Variants in COL4A1 observed in about 807,000 individuals in gnomAD.
COL4A1 encodes the protein collagen type IV alpha 1 chain.
In COL4A1, 40 loss-of-function variants were observed where a neutral mutation model predicts 216.6. The observed-to-expected ratio is 0.18, with a 90% confidence interval of 0.14 to 0.24. The LOEUF is 0.24. COL4A1 is among the 10% of genes least tolerant of loss of function. COL4A1 has a pLI of 1.00. For missense variants in COL4A1, 1,628 were observed against 2,196.8 expected (o/e 0.74, Z 5.18); for synonymous variants, 839 against 810.7 (o/e 1.03, Z -0.59).
Position 110,170,695 on chromosome 13 carries a change from C to T in COL4A1, c.3594G>A (p.Gly1198=). ...CTTTGGATCCAGGAATTCCTGGGCT[C>T]CCGGCTAATCCTGGGAAACCCACCT... ...KGEVGFPGLA[G]SPGIPGSKGE... is the part of the protein sequence containing the mutation. The change falls in exon 42 of 52, where the codon GGG becomes GGA. Residue 1198 remains glycine, a synonymous_variant. Transcript: ENST00000375820. 2.5e-6 allele frequency: 4 copies of T among 1,614,226 alleles called. No individual in the cohort carries two copies. The highest frequency in any genetic ancestry group is 3.4e-6 in the Non-Finnish European group (4 of 1,180,042).
In COL4A1 at chr13:110,152,330, T is replaced by C; in HGVS notation, c.4928+4A>G. 6.2e-7 allele frequency: 1 copy of C among 1,614,136 alleles called. No homozygotes were observed. The highest frequency in any genetic ancestry group is 2.2e-5 in the East Asian group (1 of 44,870). ...GCCTGCAAAAAAGCAGTGCTCCCAC[T>C]TACTTGAACATCTCGCTCCTCTCTA... On this transcript the variant is annotated splice_donor_region_variant and intron_variant, in intron 51 of 51. Transcript: ENST00000375820.
At chr13:110,170,415 CAAGCTGTAATAA>C (rs1877581809) in intron 42 of COL4A1, 120 bp downstream of exon 42, 1 of 1,001,006 alleles carries the variant, frequency 1.0e-6, no homozygotes, top group African/African-American at 1.6e-5. Flanking sequence ...AACACAATTT[CAAGCTGTAATAA>C]ATGCTGCAGA....
At chr13:110,196,617 A>C (rs184884621) in intron 21 of COL4A1, among the ~76,000 whole-genome samples, 2 of 152,168 alleles carry the variant, frequency 1.3e-5, no homozygotes, top group African/African-American at 4.8e-5. Context: ...AACAAAAAAA[A>C]AATAGTACAT....
intron 1 of COL4A1, among the ~76,000 whole-genome samples, chr13:110,273,900 T>A (rs1430628024): frequency 6.6e-6 from 1 of 152,190 alleles, no homozygotes; most frequent in Non-Finnish European, 1.5e-5. Flanking sequence ...TACACTGCAG[T>A]TTAAAGCACT....
intron 51 of COL4A1, among the ~76,000 whole-genome samples, chr13:110,150,902 G>T (rs1276645311): frequency 6.6e-6 from 1 of 152,228 alleles, no homozygotes; most frequent in Non-Finnish European, 1.5e-5. Flanking sequence ...TTTGTGGAAT[G>T]ATGTGATGAG....
chr13:110,245,826 G>T (rs1022926641), intron 1 of COL4A1, among the ~76,000 whole-genome samples: 1 of 152,116 alleles, frequency 6.6e-6, no homozygotes, highest in Non-Finnish European at 1.5e-5. Flanking sequence ...GGTGACAGGC[G>T]GGTGGGTAGT....
At chr13:110,191,660 G>A (rs1283190875) in intron 24 of COL4A1, 1 of 686,432 alleles carries the variant, frequency 1.5e-6, no homozygotes. Flanking sequence ...CTGCACAATA[G>A]ATGTTGTAAC....
intron 26 of COL4A1, among the ~76,000 whole-genome samples, chr13:110,184,763 C>T (rs636762): frequency 0.98 from 149,031 of 152,228 alleles, 73,034 homozygotes; most frequent in East Asian, 1. Context: ...CAGGCTGGAA[C>T]GCAATGGCAC....
Position 110,306,988 on chromosome 13 carries a change from C to T in COL4A1, c.40G>A (p.Ala14Thr). The T allele has an allele frequency of 1.4e-6, 2 of 1,476,718 alleles. No individual in the cohort carries two copies. Among genetic ancestry groups the T allele is most frequent in the South Asian group, 2.6e-5 (2 of 77,872 alleles). The allele number at this position is 1,476,718 out of a possible 1,614,324, so 91.5% of individuals were successfully genotyped here. A position where few individuals can be genotyped will look rare whatever the true frequency, so the allele number is the denominator to read the frequency against. ...RLSVWLLLLP[A>T]ALLLHEEHSR... The stretch of plus-strand genomic sequence containing the variant: ...TGCTCCTCGTGGAGCAGAAGGGCGG[C>T]GGGCAGCAGCAGCAGCCAGACGCTG... Residue 14 changes from alanine to threonine, a missense_variant, in exon 1 of 52, where the codon GCC (alanine) becomes ACC (threonine). Transcript: ENST00000375820.
chr13:110,258,295 T>C (rs1477482835), intron 1 of COL4A1, among the ~76,000 whole-genome samples: 1 of 152,212 alleles, frequency 6.6e-6, no homozygotes, highest in Admixed American at 6.5e-5. Context: ...CCCAGCACTT[T>C]GGGAGGCCAA....
intron 1 of COL4A1, chr13:110,298,741 C>T (rs980232274): frequency 2.6e-5 from 4 of 152,270 alleles, no homozygotes; most frequent in Non-Finnish European, 4.4e-5. Context: ...TCCCAGCGCC[C>T]GCTGACTGGC....
At chr13:110,175,429 CA>C in intron 36 of COL4A1, 72 bp from the exon 37 acceptor site, 1 of 1,592,300 alleles carries the variant, frequency 6.3e-7, no homozygotes, top group Non-Finnish European at 8.6e-7. Context: ...AAAGTGCCTC[CA>C]CAGCCAGCCA....
At position 110,268,908 on chromosome 13, in the gene COL4A1, G is replaced by A. The variant is rs141487973; in HGVS notation, c.85-26174C>T. Reference sequence around the variant, plus strand: ...AAAGGAACCCAAGGAGGAGGGAGTGGGAACACCACCTTCCAGAGCCCAGCA... The same window carrying A: ...AAAGGAACCCAAGGAGGAGGGAGTGAGAACACCACCTTCCAGAGCCCAGCA... On this transcript the variant is annotated intron_variant, in intron 1 of 51. Coordinates refer to ENST00000375820, the MANE Select transcript of COL4A1 (RefSeq NM_001845.6). This position sits in a 1 kb window ranked among gnomAD's most constrained non-coding sequence, Gnocchi z 4.1. Among the ~76,000 whole-genome samples, 2 of 152,244 alleles carry A rather than the reference G, an allele frequency of 1.3e-5. No homozygotes were observed. Among genetic ancestry groups the A allele is most frequent in the Non-Finnish European group, 2.9e-5 (2 of 68,016 alleles).
intron 51 of COL4A1, among the ~76,000 whole-genome samples, chr13:110,151,095 G>C (rs1876478937): frequency 6.6e-6 from 1 of 152,116 alleles, no homozygotes; most frequent in African/African-American, 2.4e-5. Flanking sequence ...AACTAAAATT[G>C]TTACTGAGAA....
At chr13:110,189,276 C>T (rs1000896373) in intron 24 of COL4A1, among the ~76,000 whole-genome samples, 2 of 152,108 alleles carry the variant, frequency 1.3e-5, no homozygotes, top group Non-Finnish European at 2.9e-5. Context: ...TTGGTCAGGC[C>T]GGTCTCGAAC....
In COL4A1 at chr13:110,201,735, G is replaced by C. The variant is rs554121220; in HGVS notation, c.1000-213C>G. The C allele has an allele frequency of 2.7e-4, 186 of 701,018 alleles. 1 individual carries two copies. In the African/African-American group the frequency reaches 3.0e-3, roughly 11 times the overall value. The allele number at this position is 701,018 out of a possible 1,614,324, so 43.4% of individuals were successfully genotyped here. A position where few individuals can be genotyped will look rare whatever the true frequency, so the allele number is the denominator to read the frequency against. ...GCGGTGGCTCACGCCTGTAATCCCA[G>C]CACTTTGGGAGGCTGAGGCAGGTGG... is the stretch of plus-strand genomic sequence containing the variant. On this transcript the variant is annotated intron_variant, in intron 18 of 51. Transcript: ENST00000375820.
In COL4A1 at chr13:110,252,649, A is replaced by AT. The variant is rs371995375; in HGVS notation, c.85-9916_85-9915insA. On this transcript the variant is annotated intron_variant, in intron 1 of 51. Coordinates refer to ENST00000375820, the MANE Select transcript of COL4A1 (RefSeq NM_001845.6). ...TATATATTATATATACTTATATACA[A>AT]AATGTATATATGTATATATACATAT... Among the ~76,000 whole-genome samples, 105 of 139,344 alleles carry AT rather than the reference A, an allele frequency of 7.5e-4. 50 individuals are homozygous for AT. Among genetic ancestry groups the AT allele is most frequent in the Admixed American group, 1.2e-3 (17 of 13,694 alleles). The allele number at this position is 139,344 out of a possible 152,430, so 91.4% of individuals were successfully genotyped here. A position where few individuals can be genotyped will look rare whatever the true frequency, so the allele number is the denominator to read the frequency against.
intron 12 of COL4A1, among the ~76,000 whole-genome samples, 179 bp downstream of exon 12, chr13:110,208,670 A>G (rs979243436): frequency 3.3e-5 from 5 of 152,242 alleles, no homozygotes; most frequent in African/African-American, 1.2e-4. Context: ...GTACTGAATA[A>G]GCTAGAATAA....
At chr13:110,152,593 T>C in intron 50 of COL4A1, 87 bp from the exon 51 acceptor site, 4 of 1,453,842 alleles carry the variant, frequency 2.8e-6, no homozygotes, top group Admixed American at 2.0e-5. Flanking sequence ...GGCGCCAGGG[T>C]GTTCCCTCTG....
Sources: gnomAD v4.1 joint callset for allele counts (sites outside exome capture counted in the v4.1 genomes callset) on GRCh38, gnomAD v4.1.1 for gene constraint, Gnocchi (gnomAD v3.1) non-coding constraint, MANE v1.5 for transcripts, NCBI Gene and HGNC (gene_info 2026-07-23, HGNC 2026-07-21) for gene names.